Variants in ARHGAP24 observed in about 807,000 individuals in gnomAD.
ARHGAP24 encodes rho GTPase-activating protein 24.
In ARHGAP24, 50 loss-of-function variants were observed where a neutral mutation model predicts 76.4. That is an observed-to-expected ratio of 0.65 (90% CI 0.52 to 0.83). The LOEUF is 0.83. ARHGAP24 is among the 40% of genes least tolerant of loss of function. The probability of loss-of-function intolerance (pLI) is 0.00; values close to 1 mark genes in which losing one functional copy is unlikely to be tolerated. For synonymous variants in ARHGAP24, 345 were observed against 323.3 expected (o/e 1.07, Z -0.72); for missense variants, 930 against 914.2 (o/e 1.02, Z -0.22).
intron 2 of ARHGAP24, among the ~76,000 whole-genome samples, chr4:85,697,446 T>C (rs995953451): frequency 2.0e-5 from 3 of 152,218 alleles, no homozygotes; most frequent in Non-Finnish European, 2.9e-5. Flanking sequence ...GTTGGACATA[T>C]GTAACAAACC....
chr4:85,510,250 A>G (rs1221408296), intron 1 of ARHGAP24, among the ~76,000 whole-genome samples: 2 of 152,196 alleles, frequency 1.3e-5, no homozygotes, highest in African/African-American at 2.4e-5. Context: ...CCAGATACTT[A>G]TCATTGTGAA....
intron 5 of ARHGAP24, among the ~76,000 whole-genome samples, chr4:85,945,684 C>T (rs944844843): frequency 2.0e-5 from 3 of 148,888 alleles, no homozygotes; most frequent in East Asian, 2.0e-4. Context: ...CTCTTGAACC[C>T]GGGAGGCAGA....
intron 5 of ARHGAP24, among the ~76,000 whole-genome samples, chr4:85,952,076 T>A (rs538552051): frequency 3.9e-5 from 6 of 152,308 alleles, no homozygotes; most frequent in African/African-American, 1.4e-4. Flanking sequence ...GAAGGAAATA[T>A]GAATATTTTA....
intron 3 of ARHGAP24, among the ~76,000 whole-genome samples, chr4:85,779,277 T>G (rs981826204): frequency 6.6e-6 from 1 of 152,208 alleles, no homozygotes; most frequent in Non-Finnish European, 1.5e-5. Flanking sequence ...TTGCTTGTGT[T>G]GGATAAAGAT....
intron 3 of ARHGAP24, chr4:85,722,444 G>C (rs1040823230): frequency 7.5e-5 from 14 of 185,566 alleles, no homozygotes; most frequent in African/African-American, 3.4e-4. Flanking sequence ...CTTAATACTT[G>C]TAATACTGAC....
intron 1 of ARHGAP24, among the ~76,000 whole-genome samples, chr4:85,487,421 T>G (rs1723122176): frequency 9.8e-6 from 1 of 102,020 alleles, no homozygotes; most frequent in Admixed American, 1.4e-4. Flanking sequence ...TATTATATAT[T>G]ATATAAATAT....
intron 3 of ARHGAP24, among the ~76,000 whole-genome samples, chr4:85,730,145 A>G (rs10516753): frequency 0.033 from 5,013 of 152,268 alleles, 250 homozygotes; most frequent in African/African-American, 0.11. Flanking sequence ...TTAGTGACCA[A>G]ACTGAAATCT....
At chr4:85,882,048 G>A (rs565748069) in intron 3 of ARHGAP24, among the ~76,000 whole-genome samples, 15 of 152,148 alleles carry the variant, frequency 9.9e-5, no homozygotes, top group Non-Finnish European at 2.1e-4. Flanking sequence ...GAATTTGATG[G>A]GGGAAATAAA....
rs1560602797 is a variant in ARHGAP24, at chr4:85,724,516, TATATATATATATAG to T, written c.268+2545_268+2558del. ...GTATATATATATATATATATATATA[TATATATATATATAG>T]GAATTTTTATTTTGTTTTATTTTTG... On this transcript the variant is annotated intron_variant, in intron 3 of 9. Transcript: ENST00000395184. Among the ~76,000 whole-genome samples the T allele has an allele frequency of 4.9e-3, 519 of 105,818 alleles. 12 individuals carry two copies. The East Asian group carries it at 0.05, about 10-fold the overall frequency. The allele number at this position is 105,818 out of a possible 152,430, so 69.4% of individuals were successfully genotyped here.
chr4:85,995,400 C>A lies in ARHGAP24; in HGVS notation c.1746C>A (p.Asp582Glu), dbSNP rs995459146. The A allele has an allele frequency of 1.2e-6, 2 of 1,613,098 alleles. No individual in the cohort carries two copies. The highest frequency in any genetic ancestry group is 3.3e-5 in the Admixed American group (2 of 59,962). The change falls in exon 9 of 10, where the codon GAC becomes GAA. Residue 582 changes from aspartate (D) to glutamate (E), a missense_variant. Physicochemically the swap from Asp to Glu is conservative, Grantham distance 45. Coordinates refer to ENST00000395184, the MANE Select transcript of ARHGAP24 (RefSeq NM_001025616.3). ...CTACCACCACCTGCCCAGAGCAAGA[C>A]TTTTTTGGGGGGAACTTTGAGGACC... ...RSSTTTCPEQ[D>E]FFGGNFEDPV...
chr4:85,481,802 A>T (rs1232770055), intron 1 of ARHGAP24, among the ~76,000 whole-genome samples: 1 of 152,206 alleles, frequency 6.6e-6, no homozygotes, highest in Non-Finnish European at 1.5e-5. Context: ...AAATAAAACA[A>T]AAAAGGATGA....
At chr4:85,906,548 G>A (rs948091723) in intron 3 of ARHGAP24, among the ~76,000 whole-genome samples, 1 of 151,916 alleles carries the variant, frequency 6.6e-6, no homozygotes, top group Admixed American at 6.6e-5. Context: ...GAGTATTTTG[G>A]TGCTAGTTAA....
chr4:85,703,666 G>A (rs1724188311), intron 2 of ARHGAP24, among the ~76,000 whole-genome samples: 1 of 152,114 alleles, frequency 6.6e-6, no homozygotes, highest in East Asian at 1.9e-4. Context: ...AAATCTGCTG[G>A]CACCTTGATA....
intron 3 of ARHGAP24, among the ~76,000 whole-genome samples, chr4:85,878,489 G>T (rs1416232471): frequency 6.6e-6 from 1 of 152,044 alleles, no homozygotes; most frequent in Non-Finnish European, 1.5e-5. Flanking sequence ...TAGAGAAGAA[G>T]AATTCGTTAA....
At position 85,508,898 on chromosome 4, in the gene ARHGAP24, C is replaced by T. The variant is rs573809483; in HGVS notation, c.-21+33339C>T. Among the ~76,000 whole-genome samples the T allele has an allele frequency of 2.2e-4, 34 of 152,086 alleles. No homozygotes were observed. In the South Asian group the frequency reaches 3.5e-3, roughly 16 times the overall value. On this transcript the variant is annotated intron_variant, in intron 1 of 9. Transcript: ENST00000395184. ...TCTCTCTTATCTCTAGGCCTTTCCC[C>T]CTGTGACATTTCCTCCTCTCTCCCT...
chr4:85,887,781 A>G (rs1733645951), intron 3 of ARHGAP24, among the ~76,000 whole-genome samples: 1 of 152,192 alleles, frequency 6.6e-6, no homozygotes, highest in South Asian at 2.1e-4. Context: ...GTTCTTATGT[A>G]CTTATGTCAT....
At chr4:85,899,243 T>G (rs993644985) in intron 3 of ARHGAP24, among the ~76,000 whole-genome samples, 1 of 152,186 alleles carries the variant, frequency 6.6e-6, no homozygotes, top group Non-Finnish European at 1.5e-5. Flanking sequence ...CTACATTAGA[T>G]AGATAGCTTG....
At chr4:85,718,832 G>A (rs1724826238) in intron 2 of ARHGAP24, among the ~76,000 whole-genome samples, 1 of 152,048 alleles carries the variant, frequency 6.6e-6, no homozygotes, top group Non-Finnish European at 1.5e-5. Flanking sequence ...TATACAAAAA[G>A]GACAACAAAG....
chr4:85,948,306 T>TAATAG (rs1283464033), intron 5 of ARHGAP24, among the ~76,000 whole-genome samples: 1 of 152,170 alleles, frequency 6.6e-6, no homozygotes, highest in Non-Finnish European at 1.5e-5. Context: ...GAATATCGTA[T>TAATAG]AATAGGATAA....
Sources: gnomAD v4.1 joint callset for allele counts (sites outside exome capture counted in the v4.1 genomes callset) on GRCh38, gnomAD v4.1.1 for gene constraint, MANE v1.5 for transcripts, NCBI Gene and HGNC (gene_info 2026-07-23, HGNC 2026-07-21) for gene names.